Variants in RNF13 observed in about 807,000 individuals in gnomAD.
The protein encoded by RNF13 is E3 ubiquitin-protein ligase RNF13.
In RNF13, 19 loss-of-function variants were observed where a neutral mutation model predicts 37.7. The observed-to-expected ratio is 0.50, with a 90% CI of 0.35 to 0.74. The LOEUF is 0.74. Ranked by LOEUF, RNF13 falls within the 30% of genes least tolerant of loss-of-function variation. The pLI is 0.01. For synonymous variants in RNF13, 144 were observed against 157.8 expected (o/e 0.91, Z 0.65); for missense variants, 375 against 453.0 (o/e 0.83, Z 1.56).
chr3:149,850,329 C>T (rs897076449), intron 2 of RNF13, among the ~76,000 whole-genome samples: 5 of 152,254 alleles, frequency 3.3e-5, no homozygotes, highest in African/African-American at 4.8e-5. Flanking sequence ...TTATGAGCAT[C>T]GCTCCCCTCC....
At chr3:149,831,657 A>C (rs1291669755) in intron 1 of RNF13, among the ~76,000 whole-genome samples, 1 of 152,186 alleles carries the variant, frequency 6.6e-6, no homozygotes, top group Non-Finnish European at 1.5e-5. Context: ...CTTTTGAGTT[A>C]ATGCTGAAAT....
At chr3:149,848,851 A>G (rs950828411) in intron 2 of RNF13, among the ~76,000 whole-genome samples, 2 of 152,176 alleles carry the variant, frequency 1.3e-5, no homozygotes, top group East Asian at 1.9e-4. Context: ...CATCTAGTCT[A>G]TAGCTGACTA....
At chr3:149,928,919 ATTGT>A (rs1559957840) in intron 8 of RNF13, among the ~76,000 whole-genome samples, 1 of 152,018 alleles carries the variant, frequency 6.6e-6, no homozygotes, top group Non-Finnish European at 1.5e-5. Context: ...TAGGCATTTT[ATTGT>A]TTTAGATACT....
At chr3:149,913,041 A>G (rs1359539559) in intron 7 of RNF13, among the ~76,000 whole-genome samples, 1 of 152,164 alleles carries the variant, frequency 6.6e-6, no homozygotes, top group Non-Finnish European at 1.5e-5. Flanking sequence ...TCTTTGTCAT[A>G]AAGAATACAT....
chr3:149,923,849 C>T (rs543423285), intron 8 of RNF13, among the ~76,000 whole-genome samples: 1 of 151,612 alleles, frequency 6.6e-6, no homozygotes, highest in African/African-American at 2.4e-5. Context: ...GGCTTTTCCT[C>T]TGAGTAAGAT....
intron 1 of RNF13, among the ~76,000 whole-genome samples, chr3:149,817,774 G>A (rs537172212): frequency 5.3e-5 from 8 of 152,196 alleles, no homozygotes; most frequent in East Asian, 1.9e-4. Context: ...ATATGAAAAG[G>A]GTCTGGTACA....
chr3:149,904,622 C>T (rs187428228), intron 6 of RNF13, among the ~76,000 whole-genome samples: 4 of 152,082 alleles, frequency 2.6e-5, no homozygotes, highest in Admixed American at 1.3e-4. Context: ...CAGAGTTTGG[C>T]GATTGCTCCC....
At chr3:149,879,388 G>C (rs528875921) in intron 4 of RNF13, among the ~76,000 whole-genome samples, 1 of 149,166 alleles carries the variant, frequency 6.7e-6, no homozygotes, top group African/African-American at 2.5e-5. Context: ...GCTCACTGCA[G>C]CCTTGACCTC....
At chr3:149,870,832 G>A (rs561830320) in intron 3 of RNF13, among the ~76,000 whole-genome samples, 8 of 151,828 alleles carry the variant, frequency 5.3e-5, no homozygotes, top group African/African-American at 1.9e-4. Context: ...TTTCAGGGAG[G>A]AGAAATTGCC....
intron 6 of RNF13, among the ~76,000 whole-genome samples, chr3:149,910,123 T>C (rs1219691554): frequency 6.6e-6 from 1 of 152,114 alleles, no homozygotes. Context: ...TAGCGTCTCA[T>C]GGAAAGGCTC....
In RNF13 at chr3:149,830,791, C is replaced by T. The variant is rs59613528; in HGVS notation, c.-16-15220C>T. ...AATGTCTCCAGGGCATGTCAGAGGT[C>T]TTCATGGCAGCCCCTCCTATCACAC... On this transcript the variant is annotated intron_variant, in intron 1 of 9. Transcript: ENST00000392894. Among the ~76,000 whole-genome samples the T allele has an allele frequency of 6.9e-3, 1,040 of 150,694 alleles. 16 individuals carry two copies. Among genetic ancestry groups the T allele is most frequent in the African/African-American group, 0.024 (970 of 40,068 alleles).
intron 3 of RNF13, among the ~76,000 whole-genome samples, chr3:149,852,975 C>G (rs771622866): frequency 3.5e-4 from 53 of 151,708 alleles, no homozygotes; most frequent in Non-Finnish European, 6.6e-4. Context: ...TAGAAACATG[C>G]TATTTGGTTA....
At chr3:149,831,255 A>G (rs139861209) in intron 1 of RNF13, among the ~76,000 whole-genome samples, 1 of 152,302 alleles carries the variant, frequency 6.6e-6, no homozygotes, top group East Asian at 1.9e-4. Flanking sequence ...AGATCCACCA[A>G]TGGCTTGCAC....
chr3:149,825,369 G>T (rs1049438489), intron 1 of RNF13, among the ~76,000 whole-genome samples: 11 of 152,158 alleles, frequency 7.2e-5, no homozygotes, highest in African/African-American at 2.7e-4. Flanking sequence ...TCACCATGTT[G>T]TCCAGGCTGG....
intron 1 of RNF13, among the ~76,000 whole-genome samples, chr3:149,845,610 G>C (rs541378665): frequency 3.9e-5 from 6 of 152,264 alleles, no homozygotes; most frequent in Admixed American, 6.5e-5. Flanking sequence ...TGAACCAGAA[G>C]TAAAAATTTT....
At chr3:149,937,634 G>C (rs763879666) in intron 8 of RNF13, among the ~76,000 whole-genome samples, 8 of 151,946 alleles carry the variant, frequency 5.3e-5, no homozygotes, top group Non-Finnish European at 1.0e-4. Context: ...TTTTCACTTA[G>C]CTCAAAATAT....
intron 4 of RNF13, among the ~76,000 whole-genome samples, chr3:149,894,206 G>A (rs1715008094): frequency 6.6e-6 from 1 of 152,066 alleles, no homozygotes; most frequent in Admixed American, 6.5e-5. Flanking sequence ...TATCCACACT[G>A]TTGTCTCTTT....
chr3:149,957,579 G>T (rs1301721958), intron 8 of RNF13, among the ~76,000 whole-genome samples: 1 of 152,202 alleles, frequency 6.6e-6, no homozygotes, highest in African/African-American at 2.4e-5. Context: ...CTGATCATCT[G>T]TTGGGACAAA....
intron 1 of RNF13, among the ~76,000 whole-genome samples, chr3:149,821,582 A>G (rs1414130169): frequency 6.6e-6 from 1 of 150,390 alleles, no homozygotes; most frequent in Non-Finnish European, 1.5e-5. Flanking sequence ...TATCAAATAT[A>G]TAATGTGCAA....
Sources: gnomAD v4.1 joint callset for allele counts (sites outside exome capture counted in the v4.1 genomes callset) on GRCh38, gnomAD v4.1.1 for gene constraint, MANE v1.5 for transcripts, NCBI Gene and HGNC (gene_info 2026-07-23, HGNC 2026-07-21) for gene names.